Variants in DENND1A observed in about 807,000 individuals in gnomAD.
DENND1A encodes DENN domain-containing protein 1A.
In DENND1A, 51 loss-of-function variants were observed where a neutral mutation model predicts 113.7. The observed-to-expected ratio is 0.45, with a 90% CI of 0.36 to 0.57. The LOEUF is 0.57. Among genes scored for constraint, DENND1A ranks in the 20% least tolerant of loss-of-function variants. The pLI is 0.00. For missense variants in DENND1A, 1,258 were observed against 1,395.9 expected (o/e 0.90, Z 1.57); for synonymous variants, 565 against 570.8 (o/e 0.99, Z 0.14).
At chr9:123,479,198 T>C (rs1588730808) in intron 13 of DENND1A, among the ~76,000 whole-genome samples, 2 of 152,280 alleles carry the variant, frequency 1.3e-5, no homozygotes, top group Middle Eastern at 6.8e-3. Flanking sequence ...TGGGGCCAGG[T>C]TCACGTGAGA....
At chr9:123,810,091 T>C (rs1320727606) in intron 2 of DENND1A, among the ~76,000 whole-genome samples, 1 of 152,228 alleles carries the variant, frequency 6.6e-6, no homozygotes, top group Non-Finnish European at 1.5e-5. Context: ...TCTGCATTTC[T>C]GTAAAGACCT....
chr9:123,566,261 C>T (rs996604790), intron 12 of DENND1A, among the ~76,000 whole-genome samples: 7 of 152,272 alleles, frequency 4.6e-5, no homozygotes, highest in African/African-American at 1.4e-4. Flanking sequence ...CCTTGCTTTC[C>T]TGCTTCTTTC....
intron 9 of DENND1A, among the ~76,000 whole-genome samples, chr9:123,634,123 G>T (rs992994424): frequency 3.9e-5 from 6 of 152,172 alleles, no homozygotes; most frequent in Non-Finnish European, 8.8e-5. Flanking sequence ...AAGTAGCAGA[G>T]ATCTCATCTT....
chr9:123,794,289 G>T (rs540831654), intron 2 of DENND1A, among the ~76,000 whole-genome samples: 36 of 152,206 alleles, frequency 2.4e-4, no homozygotes, highest in African/African-American at 7.9e-4. Flanking sequence ...GAACAACGGG[G>T]AACAAGGGGC....
chr9:123,560,335 T>C (rs2057672353), intron 12 of DENND1A, among the ~76,000 whole-genome samples: 1 of 152,180 alleles, frequency 6.6e-6, no homozygotes, highest in Non-Finnish European at 1.5e-5. Flanking sequence ...AAAACAATCC[T>C]TTGCTGTTGA....
At chr9:123,462,500 T>A (rs550027447) in intron 13 of DENND1A, among the ~76,000 whole-genome samples, 45 of 152,196 alleles carry the variant, frequency 3.0e-4, no homozygotes, top group African/African-American at 1.1e-3. Context: ...GAGTTCTCTT[T>A]AAAATTGGAA....
At chr9:123,801,071 T>C (rs548740274) in intron 2 of DENND1A, among the ~76,000 whole-genome samples, 1 of 152,340 alleles carries the variant, frequency 6.6e-6, no homozygotes, top group South Asian at 2.1e-4. Flanking sequence ...TCCACCCTGC[T>C]TCCAGGGAAC....
intron 6 of DENND1A, among the ~76,000 whole-genome samples, chr9:123,674,342 T>TCTCTCACACACACA (rs36033303): frequency 2.3e-5 from 3 of 132,300 alleles, no homozygotes; most frequent in Non-Finnish European, 3.2e-5. Flanking sequence ...TGTCTCTCTC[T>TCTCTCACACACACA]CACACACACA....
intron 13 of DENND1A, among the ~76,000 whole-genome samples, chr9:123,491,536 C>G (rs1479074059): frequency 1.3e-5 from 2 of 152,158 alleles, no homozygotes. Flanking sequence ...CATGAACGCT[C>G]TAGTATAATG....
At chr9:123,610,066 T>G (rs2060343813) in intron 10 of DENND1A, among the ~76,000 whole-genome samples, 1 of 152,212 alleles carries the variant, frequency 6.6e-6, no homozygotes, top group Admixed American at 6.5e-5. Context: ...TGCCATCCCA[T>G]GACACTATAA....
chr9:123,758,617 C>A (rs1244493461), intron 4 of DENND1A, among the ~76,000 whole-genome samples: 1 of 152,058 alleles, frequency 6.6e-6, no homozygotes, highest in Non-Finnish European at 1.5e-5. Context: ...CAGAAATAAC[C>A]AAAATGTCTA....
intron 2 of DENND1A, among the ~76,000 whole-genome samples, chr9:123,860,095 C>G (rs1363678381): frequency 6.6e-6 from 1 of 152,134 alleles, no homozygotes; most frequent in Admixed American, 6.6e-5. Context: ...AGAAGGTGCA[C>G]GCCTGAGCTA....
chr9:123,638,784 A>G (rs928304373), intron 9 of DENND1A, among the ~76,000 whole-genome samples: 4 of 152,038 alleles, frequency 2.6e-5, no homozygotes, highest in African/African-American at 7.2e-5. Flanking sequence ...TGATCAATGG[A>G]TCAAAGTGGG....
chr9:123,913,688 C>CTGCT lies in DENND1A; in HGVS notation c.17+16200_17+16201insAGCA, dbSNP rs1491463599. Among the ~76,000 whole-genome samples the CTGCT allele has an allele frequency of 3.4e-3, 519 of 150,984 alleles. 1 individual carries two copies. The highest frequency in any genetic ancestry group is 5.6e-3 in the Admixed American group (85 of 15,142). ...TGGGAGGACGAGGTGGGTGGATCAC[C>CTGCT]TGAGGTCAGGAGTTCGAGACTAGCC... On this transcript the variant is annotated intron_variant, in intron 1 of 23. Coordinates refer to ENST00000394215, the MANE Select transcript of DENND1A (RefSeq NM_001352964.2).
chr9:123,706,489 C>T (rs1252262280), intron 5 of DENND1A, among the ~76,000 whole-genome samples: 2 of 150,812 alleles, frequency 1.3e-5, no homozygotes, highest in Admixed American at 6.6e-5. Context: ...AGAGAAGGGT[C>T]GGCTGGGCGC....
intron 2 of DENND1A, among the ~76,000 whole-genome samples, chr9:123,866,840 G>T (rs1389878528): frequency 6.6e-6 from 1 of 152,108 alleles, no homozygotes; most frequent in Non-Finnish European, 1.5e-5. Context: ...ATTAATGAGT[G>T]GCAAAAGAAA....
chr9:123,675,035 C>T (rs2063987797), intron 6 of DENND1A, among the ~76,000 whole-genome samples: 1 of 152,192 alleles, frequency 6.6e-6, no homozygotes, highest in Non-Finnish European at 1.5e-5. Flanking sequence ...AAGGTGACCT[C>T]CTAACTCATT....
Position 123,382,592 on chromosome 9 carries a change from C to T in DENND1A, c.2053G>A (p.Gly685Arg), listed in dbSNP as rs1037729488. Residue 685 changes from glycine to arginine, a missense_variant, in exon 24 of 24, where the codon GGG becomes AGG. Gly to Arg is a moderately radical substitution (Grantham distance 125). Coordinates refer to ENST00000394215, the MANE Select transcript of DENND1A (RefSeq NM_001352964.2). ...LDLGGSERSR[G>R]VTVALKLTHP... Reference sequence around the variant, plus strand: ...GTAAGCTTCAAGGCCACTGTCACCCCGCGGCTCCTCTCACTCCCGCCCAGA... The same window carrying T: ...GTAAGCTTCAAGGCCACTGTCACCCTGCGGCTCCTCTCACTCCCGCCCAGA... 3.5e-5 allele frequency: 57 copies of T among 1,613,914 alleles called. No homozygotes were observed. The highest frequency in any genetic ancestry group is 4.4e-5 in the Non-Finnish European group (52 of 1,180,020).
chr9:123,388,234 T>C (rs547600381), intron 21 of DENND1A, among the ~76,000 whole-genome samples: 35 of 152,292 alleles, frequency 2.3e-4, no homozygotes, highest in Non-Finnish European at 3.4e-4. Flanking sequence ...TGTCCTCCCA[T>C]GAAACGTAAT....
Sources: allele counts gnomAD v4.1 joint callset (sites outside exome capture counted in the v4.1 genomes callset), GRCh38; gene constraint gnomAD v4.1.1; transcripts MANE v1.5; gene names NCBI Gene and HGNC (gene_info 2026-07-23, HGNC 2026-07-21).